The following PPP1R9A variants were observed in gnomAD, a reference collection of about 807,000 sequenced individuals.
The protein encoded by PPP1R9A is protein phosphatase 1 regulatory subunit 9A.
A neutral mutation model predicts 141.9 loss-of-function variants in PPP1R9A; 59 were observed. That is an observed-to-expected ratio of 0.42 (90% CI 0.34 to 0.52). The LOEUF (loss-of-function observed/expected upper bound fraction) is 0.52, where lower values mean the gene tolerates loss of function less well. Among genes scored for constraint, PPP1R9A ranks in the 20% least tolerant of loss-of-function variants. The pLI is 0.10. For missense variants in PPP1R9A, 1,444 were observed against 1,611.9 expected, an observed-to-expected ratio of 0.90 and a Z score of 1.78; for synonymous variants, 500 against 569.7, an observed-to-expected ratio of 0.88 and a Z score of 1.74.
At chr7:94,912,446 AGGTTATGGTGGCAGAATGT>A (rs1337357510) in intron 2 of PPP1R9A, among the ~76,000 whole-genome samples, 13 of 152,246 alleles carry the variant, frequency 8.5e-5, no homozygotes, top group Non-Finnish European at 1.6e-4. Context: ...GGAATCTGGA[AGGTTATGGTGGCAGAATGT>A]GTAGTTTTAG....
intron 5 of PPP1R9A, among the ~76,000 whole-genome samples, chr7:95,171,886 C>A (rs1832168757): frequency 6.6e-6 from 1 of 151,498 alleles, no homozygotes; most frequent in Non-Finnish European, 1.5e-5. Context: ...AACCAATATT[C>A]CTCATGAATG....
intron 2 of PPP1R9A, among the ~76,000 whole-genome samples, chr7:94,920,725 T>G (rs1792687987): frequency 6.6e-6 from 1 of 152,278 alleles, no homozygotes; most frequent in East Asian, 1.9e-4. Flanking sequence ...CATAGAGTGG[T>G]TGGCAAGGGT....
At chr7:95,209,315 C>T (rs1444782008) in intron 7 of PPP1R9A, among the ~76,000 whole-genome samples, 1 of 152,166 alleles carries the variant, frequency 6.6e-6, no homozygotes, top group Non-Finnish European at 1.5e-5. Flanking sequence ...CTTCAACTTG[C>T]TTCAGTATGA....
chr7:95,211,665 TA>T (rs1379678085), intron 7 of PPP1R9A, among the ~76,000 whole-genome samples: 2 of 152,130 alleles, frequency 1.3e-5, no homozygotes, highest in Non-Finnish European at 2.9e-5. Context: ...CTGTCACTCC[TA>T]AAATTACAGA....
intron 4 of PPP1R9A, among the ~76,000 whole-genome samples, chr7:95,122,718 C>T (rs916703): frequency 0.61 from 93,168 of 152,022 alleles, 29,063 homozygotes; most frequent in African/African-American, 0.73. Context: ...TCTTGTGTCC[C>T]AAATTAACTT....
At chr7:95,239,090 C>T (rs1039618379) in intron 8 of PPP1R9A, among the ~76,000 whole-genome samples, 4 of 151,990 alleles carry the variant, frequency 2.6e-5, no homozygotes, top group Admixed American at 2.6e-4. Context: ...TAGACTAATA[C>T]TGGTGTTTTT....
chr7:95,005,367 A>T (rs542059666), intron 2 of PPP1R9A, among the ~76,000 whole-genome samples: 1 of 152,272 alleles, frequency 6.6e-6, no homozygotes, highest in Non-Finnish European at 1.5e-5. Context: ...ATAACAGTTT[A>T]AAAAAACTAA....
intron 4 of PPP1R9A, among the ~76,000 whole-genome samples, chr7:95,136,760 C>A (rs1584891958): frequency 1.3e-5 from 2 of 152,126 alleles, no homozygotes; most frequent in East Asian, 1.9e-4. Flanking sequence ...GGAATTCTTT[C>A]TTTTCCTAAA....
chr7:95,179,787 A>AAAC (rs1267989007), intron 5 of PPP1R9A, among the ~76,000 whole-genome samples: 1 of 148,274 alleles, frequency 6.7e-6, no homozygotes, highest in East Asian at 2.0e-4. Flanking sequence ...GCAAAAAAAA[A>AAAC]AAAAAAAAAT....
chr7:95,029,529 C>T (rs971380837), intron 2 of PPP1R9A, among the ~76,000 whole-genome samples: 2 of 152,182 alleles, frequency 1.3e-5, no homozygotes, highest in African/African-American at 4.8e-5. Flanking sequence ...GTTTAACCAT[C>T]AGTGAATGAA....
chr7:94,996,306 G>C (rs182838305), intron 2 of PPP1R9A, among the ~76,000 whole-genome samples: 3 of 152,000 alleles, frequency 2.0e-5, no homozygotes, highest in African/African-American at 7.3e-5. Flanking sequence ...CATAAAAGAC[G>C]TTGATAAATT....
At chr7:95,028,510 A>G (rs556591413) in intron 2 of PPP1R9A, among the ~76,000 whole-genome samples, 39 of 152,304 alleles carry the variant, frequency 2.6e-4, no homozygotes, top group Non-Finnish European at 4.4e-4. Flanking sequence ...ATGTAATTGC[A>G]TATATTAACA....
intron 2 of PPP1R9A, among the ~76,000 whole-genome samples, chr7:94,933,585 A>G (rs1794421754): frequency 6.6e-6 from 1 of 152,188 alleles, no homozygotes; most frequent in African/African-American, 2.4e-5. Flanking sequence ...CAGAAGAAAC[A>G]AAGCTTTTGT....
intron 12 of PPP1R9A, among the ~76,000 whole-genome samples, chr7:95,259,000 G>A (rs538392120): frequency 7.9e-5 from 12 of 152,250 alleles, no homozygotes; most frequent in African/African-American, 2.9e-4. Flanking sequence ...ATTCCATGTA[G>A]CATTGTTTGT....
intron 2 of PPP1R9A, among the ~76,000 whole-genome samples, chr7:94,975,147 T>C (rs920361845): frequency 2.0e-5 from 3 of 152,074 alleles, no homozygotes; most frequent in Non-Finnish European, 2.9e-5. Flanking sequence ...GTATATAACA[T>C]ACTCTGGTCT....
At chr7:95,099,545 G>A (rs1040459765) in intron 2 of PPP1R9A, among the ~76,000 whole-genome samples, 98 of 152,242 alleles carry the variant, frequency 6.4e-4, no homozygotes, top group African/African-American at 2.2e-3. Flanking sequence ...GCTAATTTAG[G>A]TTTAATTGTC....
At chr7:94,961,977 T>C (rs1420252573) in intron 2 of PPP1R9A, among the ~76,000 whole-genome samples, 2 of 152,074 alleles carry the variant, frequency 1.3e-5, no homozygotes, top group East Asian at 3.9e-4. Context: ...AATCTACTTT[T>C]TGAATCTTCA....
chr7:95,279,003 C>A (rs552935524), intron 16 of PPP1R9A, among the ~76,000 whole-genome samples: 2 of 152,194 alleles, frequency 1.3e-5, no homozygotes, highest in East Asian at 1.9e-4. Context: ...CATTTCAAAT[C>A]CTTAAATAAA....
chr7:94,953,657 C>G (rs540125985), intron 2 of PPP1R9A, among the ~76,000 whole-genome samples: 1 of 152,020 alleles, frequency 6.6e-6, no homozygotes, highest in Non-Finnish European at 1.5e-5. Flanking sequence ...TGTGGTTCTC[C>G]TTGAAAAGAT....
Sources: allele counts gnomAD v4.1 joint callset (sites outside exome capture counted in the v4.1 genomes callset), GRCh38; gene constraint gnomAD v4.1.1; transcripts MANE v1.5; gene names NCBI Gene and HGNC (gene_info 2026-07-23, HGNC 2026-07-21).